The following MAPK14 variants were observed in gnomAD, a reference collection of about 807,000 sequenced individuals.
MAPK14 encodes mitogen-activated protein kinase 14.
A neutral mutation model predicts 49.6 loss-of-function variants in MAPK14; 16 were observed. The ratio of observed to expected loss-of-function variants is 0.32; its 90% confidence interval spans 0.22 to 0.49. MAPK14 has a LOEUF of 0.49. Ranked by LOEUF, MAPK14 falls within the 20% of genes least tolerant of loss-of-function variation. The probability of loss-of-function intolerance (pLI) is 0.99; values close to 1 mark genes in which losing one functional copy is unlikely to be tolerated. For missense variants in MAPK14, 200 were observed against 441.2 expected (o/e 0.45, Z 4.90); for synonymous variants, 142 against 158.0 (o/e 0.90, Z 0.76).
chr6:36,100,074 G>C, intron 9 of MAPK14: 2 of 717,946 alleles, frequency 2.8e-6, no homozygotes, highest in Non-Finnish European at 5.1e-6. Flanking sequence ...AGGGGGAATG[G>C]AGGGTAGGTT....
chr6:36,034,852 G>T (rs1562095624), intron 1 of MAPK14, among the ~76,000 whole-genome samples: 1 of 148,074 alleles, frequency 6.8e-6, no homozygotes, highest in East Asian at 2.0e-4. Context: ...CTCACTTCAT[G>T]TCTCTGTGTC....
chr6:36,051,782 A>T (rs565351696), intron 1 of MAPK14, among the ~76,000 whole-genome samples: 3 of 152,204 alleles, frequency 2.0e-5, no homozygotes, highest in East Asian at 3.8e-4. Flanking sequence ...TACTTATTTC[A>T]TAGGGGATTC....
At chr6:36,121,665 C>CT in the MAPK14 span, among the ~76,000 whole-genome samples, 1 of 152,190 alleles carries the variant, frequency 6.6e-6, no homozygotes, top group Admixed American at 6.5e-5. Flanking sequence ...CTCTGTGACT[C>CT]TTATTTTTTT....
intron 9 of MAPK14, chr6:36,100,064 AG>A (rs1765579899): frequency 3.0e-6 from 2 of 661,258 alleles, no homozygotes; most frequent in Non-Finnish European, 5.6e-6. Flanking sequence ...GCTCTCGGGT[AG>A]GGGGAATGGA....
At chr6:36,073,160 C>T (rs3730365) in intron 4 of MAPK14, 176 bp downstream of exon 4, 11,521 of 595,510 alleles carry the variant, frequency 0.019, 140 homozygotes, top group Middle Eastern at 0.027. Context: ...CAACAGTTAC[C>T]GACATATGGC....
chr6:36,063,822 T>A (rs1382385653), intron 3 of MAPK14, among the ~76,000 whole-genome samples: 2 of 152,158 alleles, frequency 1.3e-5, no homozygotes, highest in African/African-American at 4.8e-5. Flanking sequence ...TAGGATGTGG[T>A]TGTACAGATG....
chr6:36,058,034 A>G (rs549316132), intron 2 of MAPK14, among the ~76,000 whole-genome samples: 5 of 152,324 alleles, frequency 3.3e-5, no homozygotes, highest in African/African-American at 9.6e-5. Flanking sequence ...CTGTATGTGG[A>G]TAAATCAGTA....
chr6:36,031,154 A>G (rs1259114237), intron 1 of MAPK14, among the ~76,000 whole-genome samples: 2 of 150,376 alleles, frequency 1.3e-5, no homozygotes, highest in African/African-American at 4.9e-5. Flanking sequence ...AGCTGGGACT[A>G]CAGGTGCCCG....
intron 3 of MAPK14, among the ~76,000 whole-genome samples, chr6:36,062,638 GT>G (rs67991248): frequency 0.044 from 6,300 of 141,956 alleles, 309 homozygotes; most frequent in African/African-American, 0.13. Flanking sequence ...CAGATTTATA[GT>G]TTTTTTTTTT....
chr6:36,083,953 C>T (rs1335399353), intron 8 of MAPK14, among the ~76,000 whole-genome samples: 1 of 152,142 alleles, frequency 6.6e-6, no homozygotes, highest in Non-Finnish European at 1.5e-5. Flanking sequence ...CCACTGGCAT[C>T]AGGTTGGTGC....
chr6:36,113,848 A>G (rs1766016517), downstream of MAPK14, among the ~76,000 whole-genome samples: 1 of 152,208 alleles, frequency 6.6e-6, no homozygotes, highest in Non-Finnish European at 1.5e-5. Context: ...CCAGCCTTTC[A>G]AGGCAGGAGA....
chr6:36,082,743 A>G (rs1217367103), intron 8 of MAPK14, among the ~76,000 whole-genome samples: 1 of 152,184 alleles, frequency 6.6e-6, no homozygotes, highest in Non-Finnish European at 1.5e-5. Flanking sequence ...CACCTCCAAC[A>G]TTGGGGATCA....
At chr6:36,064,090 G>GTGTGTGTT (rs893044170) in intron 3 of MAPK14, among the ~76,000 whole-genome samples, 1 of 151,222 alleles carries the variant, frequency 6.6e-6, no homozygotes, top group African/African-American at 2.4e-5. Flanking sequence ...GTGTGTGTGT[G>GTGTGTGTT]TGTTTGTTTT....
At chr6:36,092,550 G>GT in intron 8 of MAPK14, 1 of 485,100 alleles carries the variant, frequency 2.1e-6, no homozygotes, top group Non-Finnish European at 4.0e-6. Context: ...CATGTATGTT[G>GT]TTTTTTCAAG....
chr6:36,056,792 C>T (rs1310950073), intron 2 of MAPK14, among the ~76,000 whole-genome samples: 2 of 152,074 alleles, frequency 1.3e-5, no homozygotes, highest in Non-Finnish European at 2.9e-5. Flanking sequence ...TCTCAGATAA[C>T]AAGAATCATT....
intron 8 of MAPK14, among the ~76,000 whole-genome samples, chr6:36,077,513 A>C (rs529569026): frequency 6.6e-6 from 1 of 152,218 alleles, no homozygotes; most frequent in South Asian, 2.1e-4. Context: ...AAATAAACTA[A>C]TTGAGTTTAT....
At chr6:36,089,462 T>C (rs537063061) in intron 8 of MAPK14, among the ~76,000 whole-genome samples, 8 of 152,262 alleles carry the variant, frequency 5.3e-5, no homozygotes, top group African/African-American at 1.7e-4. Context: ...GATGGATTGA[T>C]AGGTGGAGCA....
intron 1 of MAPK14, among the ~76,000 whole-genome samples, chr6:36,044,221 C>A (rs73407861): frequency 6.6e-5 from 10 of 152,222 alleles, no homozygotes; most frequent in African/African-American, 2.4e-4. Flanking sequence ...CAAAAGTAAA[C>A]CAAATTGTGT....
At chr6:36,089,078 C>A (rs56327416) in intron 8 of MAPK14, among the ~76,000 whole-genome samples, 20,995 of 152,158 alleles carry the variant, frequency 0.14, 1,755 homozygotes, top group African/African-American at 0.24. Context: ...GAATATAAAT[C>A]ATTCTGTTAC....
Sources: gnomAD v4.1 joint callset for allele counts (sites outside exome capture counted in the v4.1 genomes callset) on GRCh38, gnomAD v4.1.1 for gene constraint, MANE v1.5 for transcripts, NCBI Gene and HGNC (gene_info 2026-07-23, HGNC 2026-07-21) for gene names.